The following BMPR1B variants were observed in gnomAD, a reference collection of about 807,000 sequenced individuals.
BMPR1B encodes the protein bone morphogenetic protein receptor type 1B, also known as bone morphogenetic protein receptor type-1B.
BMPR1B carries 12 observed loss-of-function variants against 59.1 expected under a neutral mutation model. The observed-to-expected ratio is 0.20, with a 90% CI of 0.13 to 0.33. The LOEUF (loss-of-function observed/expected upper bound fraction) is 0.33. BMPR1B is among the 10% of genes least tolerant of loss of function. The pLI is 1.00. For missense variants in BMPR1B, 550 were observed against 610.9 expected, an observed-to-expected ratio of 0.90 and a Z score of 1.05; for synonymous variants, 237 against 207.3, an observed-to-expected ratio of 1.14 and a Z score of -1.23.
At chr4:94,938,051 A>G (rs889452832) in intron 2 of BMPR1B, among the ~76,000 whole-genome samples, 1 of 152,202 alleles carries the variant, frequency 6.6e-6, no homozygotes, top group Admixed American at 6.5e-5. Flanking sequence ...ACTGAATGAA[A>G]GTTGAGGTAT....
intron 2 of BMPR1B, among the ~76,000 whole-genome samples, chr4:94,905,401 A>T (rs1727997411): frequency 6.6e-6 from 1 of 152,014 alleles, no homozygotes; most frequent in Non-Finnish European, 1.5e-5. Context: ...ACAATTTGAA[A>T]ACTATAGTTT....
chr4:95,010,283 A>G (rs964515511), intron 3 of BMPR1B, among the ~76,000 whole-genome samples: 1 of 152,118 alleles, frequency 6.6e-6, no homozygotes, highest in Non-Finnish European at 1.5e-5. Flanking sequence ...CCTGGAAGCT[A>G]TTTCCATCCA....
At chr4:94,886,408 G>A (rs530170278) in intron 2 of BMPR1B, among the ~76,000 whole-genome samples, 1 of 152,328 alleles carries the variant, frequency 6.6e-6, no homozygotes, top group South Asian at 2.1e-4. Flanking sequence ...CTCTGTTAAT[G>A]ATTGACCAAG....
intron 2 of BMPR1B, among the ~76,000 whole-genome samples, chr4:94,910,177 G>T (rs1030185259): frequency 6.6e-6 from 1 of 152,088 alleles, no homozygotes; most frequent in Non-Finnish European, 1.5e-5. Context: ...TTACTTTTAG[G>T]TTGTGTGCCT....
At chr4:94,966,203 A>G (rs951100850) in intron 2 of BMPR1B, among the ~76,000 whole-genome samples, 1 of 152,126 alleles carries the variant, frequency 6.6e-6, no homozygotes, top group Non-Finnish European at 1.5e-5. Flanking sequence ...CAGCCCTGGT[A>G]ATTTTTCTTG....
chr4:94,928,478 G>A (rs1438761426), intron 2 of BMPR1B, among the ~76,000 whole-genome samples: 1 of 151,878 alleles, frequency 6.6e-6, no homozygotes, highest in Non-Finnish European at 1.5e-5. Flanking sequence ...ATATTTTTAA[G>A]AGTTGAAATC....
At chr4:94,787,985 G>A (rs1014449634) in intron 1 of BMPR1B, among the ~76,000 whole-genome samples, 9 of 152,158 alleles carry the variant, frequency 5.9e-5, no homozygotes, top group South Asian at 2.1e-4. Context: ...GGACAACTCC[G>A]TGGGGTTCAA....
intron 1 of BMPR1B, among the ~76,000 whole-genome samples, chr4:94,768,739 CTA>C (rs1722065847): frequency 1.3e-5 from 2 of 151,976 alleles, no homozygotes; most frequent in African/African-American, 4.8e-5. Context: ...ATATTATAAA[CTA>C]ATAAGAGCAA....
At chr4:95,077,877 A>G (rs1252961170) in intron 3 of BMPR1B, among the ~76,000 whole-genome samples, 1 of 152,224 alleles carries the variant, frequency 6.6e-6, no homozygotes, top group Non-Finnish European at 1.5e-5. Flanking sequence ...TATAGCTAAT[A>G]TCATCTAGCT....
At chr4:94,908,835 T>G (rs1056426316) in intron 2 of BMPR1B, among the ~76,000 whole-genome samples, 2 of 152,094 alleles carry the variant, frequency 1.3e-5, no homozygotes, top group Non-Finnish European at 2.9e-5. Context: ...TTCATAGTTC[T>G]TATCGACTCT....
intron 1 of BMPR1B, among the ~76,000 whole-genome samples, chr4:94,851,812 A>T (rs765237039): frequency 6.6e-6 from 1 of 152,194 alleles, no homozygotes; most frequent in African/African-American, 2.4e-5. Flanking sequence ...AAATAAAATA[A>T]GGAACCACAA....
intron 1 of BMPR1B, among the ~76,000 whole-genome samples, chr4:94,800,926 C>T (rs1301329445): frequency 6.6e-6 from 1 of 152,056 alleles, no homozygotes; most frequent in Non-Finnish European, 1.5e-5. Flanking sequence ...AAGAGTTATG[C>T]ATTTTATAGG....
chr4:95,127,767 T>C (rs1733011542), intron 8 of BMPR1B, among the ~76,000 whole-genome samples: 1 of 152,120 alleles, frequency 6.6e-6, no homozygotes, highest in Non-Finnish European at 1.5e-5. Context: ...TCCATCAAGC[T>C]TCAGTGGCTT....
At chr4:94,948,654 T>A (rs1285051893) in intron 2 of BMPR1B, among the ~76,000 whole-genome samples, 3 of 152,226 alleles carry the variant, frequency 2.0e-5, no homozygotes, top group Non-Finnish European at 4.4e-5. Context: ...TATTGAACTG[T>A]ACAACCTTGG....
At chr4:95,094,036 A>G (rs1227242073) in intron 3 of BMPR1B, among the ~76,000 whole-genome samples, 4 of 152,020 alleles carry the variant, frequency 2.6e-5, no homozygotes, top group Non-Finnish European at 5.9e-5. Flanking sequence ...GCATTGTGAC[A>G]TCTCTTTTAT....
chr4:94,845,533 G>A (rs948286973), intron 1 of BMPR1B, among the ~76,000 whole-genome samples: 7 of 151,906 alleles, frequency 4.6e-5, no homozygotes, highest in Admixed American at 1.3e-4. Context: ...TAGTAGAGAC[G>A]GGGTTTCACC....
chr4:94,814,965 G>A (rs1001494063), intron 1 of BMPR1B, among the ~76,000 whole-genome samples: 4 of 151,628 alleles, frequency 2.6e-5, no homozygotes, highest in South Asian at 2.1e-4. Context: ...GTGCAATGGC[G>A]CCATCTTGGC....
At chr4:94,830,062 G>C (rs990193391) in intron 1 of BMPR1B, among the ~76,000 whole-genome samples, 2 of 152,122 alleles carry the variant, frequency 1.3e-5, no homozygotes, top group Non-Finnish European at 2.9e-5. Flanking sequence ...GAGTTTTCAT[G>C]ATAGTTATCA....
intron 1 of BMPR1B, among the ~76,000 whole-genome samples, chr4:94,853,908 A>C (rs750221593): frequency 3.9e-5 from 6 of 152,194 alleles, no homozygotes; most frequent in Non-Finnish European, 8.8e-5. Flanking sequence ...TCTCATTCTT[A>C]AATGGCTTAG....
Sources: allele counts gnomAD v4.1 joint callset (sites outside exome capture counted in the v4.1 genomes callset), GRCh38; gene constraint gnomAD v4.1.1; transcripts MANE v1.5; gene names NCBI Gene and HGNC (gene_info 2026-07-23, HGNC 2026-07-21).